Variants in CACNA2D2 observed in about 807,000 individuals in gnomAD.
The protein encoded by CACNA2D2 is voltage-dependent calcium channel subunit alpha-2/delta-2.
In CACNA2D2, 48 loss-of-function variants were observed where a neutral mutation model predicts 166.4. The observed-to-expected ratio is 0.29, with a 90% CI of 0.23 to 0.37. The LOEUF (loss-of-function observed/expected upper bound fraction) is 0.37, where lower values mean the gene tolerates loss of function less well. CACNA2D2 is among the 10% of genes least tolerant of loss of function. The probability of loss-of-function intolerance (pLI) is 1.00; values close to 1 mark genes in which losing one functional copy is unlikely to be tolerated. For missense variants in CACNA2D2, 1,122 were observed against 1,433.0 expected (o/e 0.78, Z 3.50); for synonymous variants, 561 against 573.7 (o/e 0.98, Z 0.32).
chr3:50,367,249 G>T lies in CACNA2D2; in HGVS notation c.2402-140C>A. On this transcript the variant is annotated intron_variant, in intron 27 of 37. Coordinates refer to ENST00000424201, the MANE Select transcript of CACNA2D2 (RefSeq NM_006030.4). The surrounding 1 kb of genome is among the most constrained non-coding windows in gnomAD (Gnocchi z 6.5). ...AGCACTCAGGACAGTGTTTGGCACAGTCTATCCCTCTTTTCACGTCTGCCC... is the reference window on the plus strand; with the variant it reads ...AGCACTCAGGACAGTGTTTGGCACATTCTATCCCTCTTTTCACGTCTGCCC... 1 of 989,936 alleles carries T rather than the reference G, an allele frequency of 1.0e-6. No individual in the cohort carries two copies. Among genetic ancestry groups the T allele is most frequent in the Non-Finnish European group, 1.6e-6 (1 of 640,552 alleles). 61.3% of individuals were successfully genotyped at this position (989,936 alleles called of 1,614,324 possible).
chr3:50,428,088 C>T (rs1559937722), intron 3 of CACNA2D2, among the ~76,000 whole-genome samples: 1 of 152,244 alleles, frequency 6.6e-6, no homozygotes, highest in South Asian at 2.1e-4. Context: ...ATCTCTGTCC[C>T]GTTAGGCCAG....
At position 50,502,793 on chromosome 3, in the gene CACNA2D2, C is replaced by T. The variant is rs1007058240; in HGVS notation, c.206+425G>A. 3.3e-5 allele frequency among the ~76,000 whole-genome samples: 5 copies of T among 152,348 alleles called. No homozygotes were observed. The South Asian group carries it at 8.3e-4, about 25-fold the overall frequency. ...TCCCTCACCTCTGGCTGTAAAGCGC[C>T]GGATTCCCACCAGGGAGGGAACGTG... On this transcript the variant is annotated intron_variant, in intron 1 of 37. Transcript: ENST00000424201.
At chr3:50,422,529 T>A (rs1351539082) in intron 3 of CACNA2D2, among the ~76,000 whole-genome samples, 2 of 152,210 alleles carry the variant, frequency 1.3e-5, no homozygotes, top group Non-Finnish European at 2.9e-5. Flanking sequence ...AGCCCCCTCC[T>A]GGAGCAAAGG....
intron 3 of CACNA2D2, among the ~76,000 whole-genome samples, chr3:50,415,436 G>A (rs1707225232): frequency 6.6e-6 from 1 of 152,174 alleles, no homozygotes; most frequent in African/African-American, 2.4e-5. Flanking sequence ...TGCAATGAAG[G>A]ACACAGACCT....
At position 50,367,991 on chromosome 3, in the gene CACNA2D2, G is replaced by A; in HGVS notation, c.2144-89C>T. The A allele has an allele frequency of 8.5e-7, 1 of 1,179,018 alleles. No homozygotes were observed. Among genetic ancestry groups the A allele is most frequent in the Non-Finnish European group, 1.3e-6 (1 of 796,282 alleles). 73.0% of individuals were successfully genotyped at this position (1,179,018 alleles called of 1,614,324 possible). A position where few individuals can be genotyped will look rare whatever the true frequency, so the allele number is the denominator to read the frequency against. On this transcript the variant is annotated intron_variant, in intron 24 of 37. Coordinates refer to ENST00000424201, the MANE Select transcript of CACNA2D2 (RefSeq NM_006030.4). This position sits in a 1 kb window ranked among gnomAD's most constrained non-coding sequence, Gnocchi z 6.5. ...CCCCACCCTTAAGGCTCCACCAGGA[G>A]CCTCCTCCATGACCTGGCCCTGGCC...
intron 2 of CACNA2D2, among the ~76,000 whole-genome samples, chr3:50,458,123 C>G (rs922651695): frequency 1.3e-5 from 2 of 152,232 alleles, no homozygotes; most frequent in African/African-American, 4.8e-5. Flanking sequence ...ATAGCTGGCC[C>G]GCTGTCAGCC....
intron 3 of CACNA2D2, among the ~76,000 whole-genome samples, chr3:50,398,226 C>G (rs1378239191): frequency 3.3e-5 from 5 of 151,964 alleles, no homozygotes; most frequent in African/African-American, 1.2e-4. Flanking sequence ...GCCTGTCCCC[C>G]TGGGAGTGGT....
At chr3:50,502,077 A>C (rs542476353) in intron 1 of CACNA2D2, among the ~76,000 whole-genome samples, 16 of 152,264 alleles carry the variant, frequency 1.1e-4, no homozygotes, top group African/African-American at 3.4e-4. Flanking sequence ...TACGAACTGG[A>C]GTCGGCAGGT....
chr3:50,407,852 G>C (rs1436748996), intron 3 of CACNA2D2, among the ~76,000 whole-genome samples: 1 of 152,218 alleles, frequency 6.6e-6, no homozygotes, highest in Admixed American at 6.5e-5. Flanking sequence ...TCAGATGAAG[G>C]GGATAAGGGA....
chr3:50,503,212 A>T lies in CACNA2D2; in HGVS notation c.206+6T>A. 1 of 1,190,064 alleles carries T rather than the reference A, an allele frequency of 8.4e-7. No homozygotes were observed. Among genetic ancestry groups the T allele is most frequent in the Non-Finnish European group, 1.0e-6 (1 of 960,028 alleles). 73.7% of individuals were successfully genotyped at this position (1,190,064 alleles called of 1,614,324 possible). A position where few individuals can be genotyped will look rare whatever the true frequency, so the allele number is the denominator to read the frequency against. ...CGGGGTCTCGCGGCCGGCCGAGGCC[A>T]CTTACGTGTGCTGCTGGGGGAAGCT... On this transcript the variant is annotated splice_donor_region_variant and intron_variant, in intron 1 of 37. Coordinates refer to ENST00000424201, the MANE Select transcript of CACNA2D2 (RefSeq NM_006030.4).
At chr3:50,470,623 A>G (rs1710037078) in intron 2 of CACNA2D2, among the ~76,000 whole-genome samples, 3 of 144,866 alleles carry the variant, frequency 2.1e-5, no homozygotes, top group Non-Finnish European at 3.0e-5. Context: ...GGTGGTCAAG[A>G]TGGCAACAGC....
At chr3:50,429,680 C>G (rs7640126) in intron 3 of CACNA2D2, among the ~76,000 whole-genome samples, 149,710 of 149,710 alleles carry the variant, frequency 1, 74,855 homozygotes, top group Non-Finnish European at 1. Flanking sequence ...TGAGGCGGAA[C>G]AATGGCGTGA....
intron 3 of CACNA2D2, among the ~76,000 whole-genome samples, chr3:50,424,807 C>T (rs530833821): frequency 6.6e-6 from 1 of 152,274 alleles, no homozygotes; most frequent in African/African-American, 2.4e-5. Context: ...CCAGGAAAAC[C>T]TCAGGTGCCC....
rs1432283740 is a variant in CACNA2D2, at chr3:50,365,238, C to CCCAT, written c.3099-58_3099-55dup. ...TGAGTTTGCCCCGCCCTGACCCACC[C>CCCAT]CCATCCTGCGGCCCCGCCCCCGGCC... On this transcript the variant is annotated intron_variant, in intron 35 of 37. Transcript: ENST00000424201. This position sits in a 1 kb window ranked among gnomAD's most constrained non-coding sequence, Gnocchi z 4.5. 2 of 1,573,066 alleles carry CCCAT rather than the reference C, an allele frequency of 1.3e-6. No individual in the cohort carries two copies. The highest frequency in any genetic ancestry group is 3.6e-5 in the Admixed American group (2 of 56,142).
chr3:50,374,209 G>A (rs867156583), intron 22 of CACNA2D2, among the ~76,000 whole-genome samples: 4 of 26,242 alleles, frequency 1.5e-4, no homozygotes, highest in African/African-American at 3.8e-4. Flanking sequence ...GGGGAGGGGG[G>A]AAGGTGAGGG....
At chr3:50,452,691 G>A (rs1356408326) in intron 2 of CACNA2D2, among the ~76,000 whole-genome samples, 2 of 152,204 alleles carry the variant, frequency 1.3e-5, no homozygotes, top group South Asian at 2.1e-4. Context: ...GTGAACATGA[G>A]AAGCCCCCTT....
At chr3:50,484,073 C>T (rs534793612) in intron 1 of CACNA2D2, among the ~76,000 whole-genome samples, 1 of 152,274 alleles carries the variant, frequency 6.6e-6, no homozygotes, top group Non-Finnish European at 1.5e-5. Context: ...ATCCGAGATC[C>T]TGACGGTCCC....
At chr3:50,458,608 A>G (rs541279665) in intron 2 of CACNA2D2, among the ~76,000 whole-genome samples, 1 of 152,238 alleles carries the variant, frequency 6.6e-6, no homozygotes, top group Non-Finnish European at 1.5e-5. Context: ...CTACAAGAGA[A>G]GTGAAAGCAA....
chr3:50,433,128 A>G (rs535093946), intron 3 of CACNA2D2, among the ~76,000 whole-genome samples: 28 of 152,344 alleles, frequency 1.8e-4, no homozygotes, highest in African/African-American at 6.0e-4. Context: ...CATCACTCCG[A>G]AAAAGAAACC....
Sources: gnomAD v4.1 joint callset for allele counts (sites outside exome capture counted in the v4.1 genomes callset) on GRCh38, gnomAD v4.1.1 for gene constraint, Gnocchi (gnomAD v3.1) non-coding constraint, MANE v1.5 for transcripts, NCBI Gene and HGNC (gene_info 2026-07-23, HGNC 2026-07-21) for gene names.